GALNT7: variants seen among roughly 807,000 people sequenced by gnomAD.
GALNT7 encodes N-acetylgalactosaminyltransferase 7.
A neutral mutation model predicts 82.1 loss-of-function variants in GALNT7; 60 were observed. That is an observed-to-expected ratio of 0.73 (90% confidence interval 0.59 to 0.91). GALNT7 has a LOEUF of 0.91. GALNT7 is among the 40% of genes least tolerant of loss of function. The pLI, the probability that GALNT7 is intolerant of heterozygous loss-of-function variation, is 0.00. For synonymous variants in GALNT7, 243 were observed against 275.1 expected (o/e 0.88, Z 1.15); for missense variants, 660 against 804.2 (o/e 0.82, Z 2.17).
chr4:173,212,106 A>G (rs145504025), intron 1 of GALNT7, among the ~76,000 whole-genome samples: 49 of 152,364 alleles, frequency 3.2e-4, no homozygotes, highest in African/African-American at 9.4e-4. Context: ...ACTGAAAGAT[A>G]GTAAGTCTCA....
Position 173,247,999 on chromosome 4 carries a change from A to G in GALNT7, c.146A>G (p.Asp49Gly), listed in dbSNP as rs748222274. 3.1e-6 allele frequency: 5 copies of G among 1,611,452 alleles called. No homozygotes were observed. Among genetic ancestry groups the G allele is most frequent in the South Asian group, 2.2e-5 (2 of 90,942 alleles). Reference sequence around the variant, plus strand: ...GTATAGGAAGACAGAGATGTCAATGACCCCATGCCCAACCGAGGCGGCAAT... The same window carrying G: ...GTATAGGAAGACAGAGATGTCAATGGCCCCATGCCCAACCGAGGCGGCAAT... ...SRMREDRDVN[D>G]PMPNRGGNGL... Residue 49 changes from aspartate (D) to glycine (G), a missense_variant, in exon 2 of 12, where the codon GAC becomes GGC. Asp to Gly is a moderately conservative substitution (Grantham distance 94). Transcript: ENST00000265000.
At chr4:173,184,342 A>G (rs975774919) in intron 1 of GALNT7, among the ~76,000 whole-genome samples, 7 of 152,070 alleles carry the variant, frequency 4.6e-5, no homozygotes, top group East Asian at 1.9e-4. Context: ...TCCGTCTGCA[A>G]TCCCTGCACC....
chr4:173,258,031 T>C (rs563344828), intron 2 of GALNT7, among the ~76,000 whole-genome samples: 2 of 152,062 alleles, frequency 1.3e-5, no homozygotes, highest in African/African-American at 4.8e-5. Context: ...CCCAGTGAGA[T>C]TGAGTTGGGG....
chr4:173,173,362 A>G (rs1385248604), intron 1 of GALNT7, among the ~76,000 whole-genome samples: 1 of 152,152 alleles, frequency 6.6e-6, no homozygotes, highest in Non-Finnish European at 1.5e-5. Context: ...GTCCCAGACT[A>G]ACACCATTTA....
intron 1 of GALNT7, among the ~76,000 whole-genome samples, chr4:173,206,865 C>A (rs1733115370): frequency 6.6e-6 from 1 of 152,184 alleles, no homozygotes; most frequent in Admixed American, 6.5e-5. Flanking sequence ...AAACTTGCAA[C>A]CAAGGTGTGA....
chr4:173,226,215 C>T (rs1733821813), intron 1 of GALNT7, among the ~76,000 whole-genome samples: 1 of 152,082 alleles, frequency 6.6e-6, no homozygotes, highest in Non-Finnish European at 1.5e-5. Flanking sequence ...TCCCTATTGG[C>T]TATTCTTTTC....
At chr4:173,220,426 A>G (rs563655939) in intron 1 of GALNT7, among the ~76,000 whole-genome samples, 110 of 152,252 alleles carry the variant, frequency 7.2e-4, no homozygotes, top group African/African-American at 2.6e-3. Context: ...TGGGAAATGT[A>G]ATACCTCCAG....
intron 1 of GALNT7, among the ~76,000 whole-genome samples, chr4:173,244,856 T>C (rs1247594453): frequency 6.6e-6 from 1 of 152,058 alleles, no homozygotes; most frequent in Non-Finnish European, 1.5e-5. Flanking sequence ...TTGAGGGTGA[T>C]TGCAGGTTTT....
chr4:173,276,692 G>T (rs1735924735), intron 2 of GALNT7, among the ~76,000 whole-genome samples: 2 of 152,160 alleles, frequency 1.3e-5, no homozygotes, highest in South Asian at 4.1e-4. Flanking sequence ...GGAGGAGGAA[G>T]CAGGGAGCTT....
chr4:173,312,662 C>T (rs1469585923), intron 8 of GALNT7, among the ~76,000 whole-genome samples: 2 of 152,258 alleles, frequency 1.3e-5, no homozygotes, highest in African/African-American at 2.4e-5. Flanking sequence ...CACATATATT[C>T]ATGCAACCAT....
chr4:173,184,803 G>A (rs1732415835), intron 1 of GALNT7, among the ~76,000 whole-genome samples: 1 of 151,982 alleles, frequency 6.6e-6, no homozygotes, highest in Non-Finnish European at 1.5e-5. Flanking sequence ...TATTATGAAA[G>A]TTGAACACTG....
chr4:173,260,076 A>T (rs975472107), intron 2 of GALNT7, among the ~76,000 whole-genome samples: 1 of 152,224 alleles, frequency 6.6e-6, no homozygotes, highest in Admixed American at 6.5e-5. Context: ...GGACTATTAT[A>T]AGAAATTCAC....
rs920196817 is a variant in GALNT7, at chr4:173,222,308, T to G, written c.127-25672T>G. Among the ~76,000 whole-genome samples the G allele has an allele frequency of 2.4e-4, 36 of 152,368 alleles. No homozygotes were observed. In the East Asian group the frequency reaches 6.5e-3, roughly 28 times the overall value. On this transcript the variant is annotated intron_variant, in intron 1 of 11. Coordinates refer to ENST00000265000, the MANE Select transcript of GALNT7 (RefSeq NM_017423.3). ...TATTTTTTGAGATGGAGTCTCGCTC[T>G]GACCCCCAGGCTGGAGTGCAATGAC...
At chr4:173,307,641 T>C (rs1403350888) in intron 8 of GALNT7, among the ~76,000 whole-genome samples, 1 of 152,190 alleles carries the variant, frequency 6.6e-6, no homozygotes, top group Non-Finnish European at 1.5e-5. Context: ...AGCTCTCTGT[T>C]GCAGCTGATC....
intron 1 of GALNT7, among the ~76,000 whole-genome samples, chr4:173,187,304 A>AG (rs1229078024): frequency 6.6e-6 from 1 of 151,848 alleles, no homozygotes; most frequent in African/African-American, 2.4e-5. Flanking sequence ...AATTGTTGTT[A>AG]GGATATGTAT....
At chr4:173,201,065 C>G (rs1220420420) in intron 1 of GALNT7, among the ~76,000 whole-genome samples, 1 of 152,058 alleles carries the variant, frequency 6.6e-6, no homozygotes, top group Non-Finnish European at 1.5e-5. Context: ...AGTATGTGGC[C>G]TAGCAATTTT....
At position 173,320,886 on chromosome 4, in the gene GALNT7, CTG is replaced by C. The variant is rs1737788152; in HGVS notation, c.1837-687_1837-686del. Among the ~76,000 whole-genome samples the C allele has an allele frequency of 6.6e-6, 1 of 152,116 alleles. No homozygotes were observed. Among genetic ancestry groups the C allele is most frequent in the Non-Finnish European group, 1.5e-5 (1 of 68,018 alleles). The stretch of plus-strand genomic sequence containing the variant: ...AGTGAAACCGGCATTTACTTTTCAA[CTG>C]TGTGTGGCCATGAGCAATACAACTA... On this transcript the variant is annotated intron_variant, in intron 11 of 11. Coordinates refer to ENST00000265000, the MANE Select transcript of GALNT7 (RefSeq NM_017423.3). This position sits in a 1 kb window ranked among gnomAD's most constrained non-coding sequence, Gnocchi z 4.1.
intron 1 of GALNT7, among the ~76,000 whole-genome samples, chr4:173,211,161 T>G (rs1733272018): frequency 6.6e-6 from 1 of 152,182 alleles, no homozygotes; most frequent in African/African-American, 2.4e-5. Context: ...TCTGAGTGAT[T>G]TTACTAGTGA....
intron 7 of GALNT7, among the ~76,000 whole-genome samples, chr4:173,303,352 C>T (rs1387543182): frequency 1.3e-5 from 2 of 152,128 alleles, no homozygotes; most frequent in Non-Finnish European, 1.5e-5. Context: ...ACACAAGGAA[C>T]ATTCAGAGAA....
Sources: allele counts gnomAD v4.1 joint callset (sites outside exome capture counted in the v4.1 genomes callset), GRCh38; gene constraint gnomAD v4.1.1; non-coding constraint Gnocchi (gnomAD v3.1); transcripts MANE v1.5; gene names NCBI Gene and HGNC (gene_info 2026-07-23, HGNC 2026-07-21).